The following EBF1 variants were observed in gnomAD, a reference collection of about 807,000 sequenced individuals.
EBF1 encodes the protein transcription factor COE1.
EBF1 carries 10 observed loss-of-function variants against 68.4 expected under a neutral mutation model. The observed-to-expected ratio is 0.15, with a 90% CI of 0.09 to 0.25. The LOEUF is 0.25. Among genes scored for constraint, EBF1 ranks in the 10% least tolerant of loss-of-function variants. The pLI is 1.00. For missense variants in EBF1, 509 were observed against 794.4 expected, an observed-to-expected ratio of 0.64 and a Z score of 4.32; for synonymous variants, 298 against 299.8, an observed-to-expected ratio of 0.99 and a Z score of 0.06.
At chr5:158,969,918 A>AAGAAG (rs1282568991) in intron 6 of EBF1, among the ~76,000 whole-genome samples, 1 of 53,150 alleles carries the variant, frequency 1.9e-5, no homozygotes, top group Non-Finnish European at 4.1e-5. Flanking sequence ...GAAAGAAAGA[A>AAGAAG]AAAAAAAAAA....
intron 7 of EBF1, among the ~76,000 whole-genome samples, chr5:158,827,999 T>C (rs557858342): frequency 3.9e-4 from 59 of 152,324 alleles, no homozygotes; most frequent in African/African-American, 1.3e-3. Flanking sequence ...TGCTGATACA[T>C]GGTAACTCAG....
chr5:158,876,420 T>G (rs1797822550), intron 6 of EBF1, among the ~76,000 whole-genome samples: 1 of 152,184 alleles, frequency 6.6e-6, no homozygotes, highest in Non-Finnish European at 1.5e-5. Context: ...TATTTGAGTC[T>G]TGGCTAGAAG....
intron 6 of EBF1, among the ~76,000 whole-genome samples, chr5:158,872,087 A>G (rs1432786281): frequency 1.3e-5 from 2 of 152,182 alleles, no homozygotes; most frequent in African/African-American, 4.8e-5. Flanking sequence ...AGACACTAAT[A>G]AGTAGTCAGG....
chr5:158,932,021 T>G (rs1028323828), intron 6 of EBF1, among the ~76,000 whole-genome samples: 5 of 152,310 alleles, frequency 3.3e-5, no homozygotes, highest in African/African-American at 1.2e-4. Flanking sequence ...ATGATAGCAC[T>G]CAGCACCAGT....
intron 6 of EBF1, among the ~76,000 whole-genome samples, chr5:158,885,073 C>T: frequency 6.6e-6 from 1 of 152,214 alleles, no homozygotes; most frequent in East Asian, 1.9e-4. Context: ...ACTCCTGCAA[C>T]TGCAGGGAGC....
intron 6 of EBF1, among the ~76,000 whole-genome samples, chr5:158,963,289 A>G (rs1234780410): frequency 6.6e-6 from 1 of 152,220 alleles, no homozygotes; most frequent in Non-Finnish European, 1.5e-5. Flanking sequence ...TTTACCACAA[A>G]AAAAACAAAC....
intron 6 of EBF1, among the ~76,000 whole-genome samples, chr5:159,061,318 G>A (rs17718288): frequency 6.6e-6 from 1 of 151,550 alleles, no homozygotes; most frequent in East Asian, 1.9e-4. Context: ...ACCGGTTTCT[G>A]TATCCCCAAG....
At chr5:158,751,919 T>C (rs1475838858) in intron 10 of EBF1, among the ~76,000 whole-genome samples, 1 of 152,050 alleles carries the variant, frequency 6.6e-6, no homozygotes, top group African/African-American at 2.4e-5. Flanking sequence ...CTCAGGATTG[T>C]AGTGGTTTTA....
At chr5:159,028,592 A>G (rs559663512) in intron 6 of EBF1, among the ~76,000 whole-genome samples, 1 of 152,308 alleles carries the variant, frequency 6.6e-6, no homozygotes, top group African/African-American at 2.4e-5. Context: ...AAATAAGAGT[A>G]AGATATTCAA....
At position 158,934,084 on chromosome 5, in the gene EBF1, GC is replaced by G. The variant is rs1360327011; in HGVS notation, c.555-93975del. Among the ~76,000 whole-genome samples the G allele has an allele frequency of 3.8e-4, 58 of 152,248 alleles. 1 individual carries two copies. The highest frequency in any genetic ancestry group is 1.3e-3 in the African/African-American group (54 of 41,536). Reference sequence around the variant, plus strand: ...TGGAGCCACAGGCAGATTTCACCATGCCCATTACACACAGGCAAATGAGAAT... The same window carrying G: ...TGGAGCCACAGGCAGATTTCACCATGCCATTACACACAGGCAAATGAGAAT... On this transcript the variant is annotated intron_variant, in intron 6 of 15. Coordinates refer to ENST00000313708, the MANE Select transcript of EBF1 (RefSeq NM_024007.5).
rs569536747 is a variant in EBF1, at chr5:158,702,508, C to T, written c.1745-3366G>A. 9.9e-4 allele frequency among the ~76,000 whole-genome samples: 151 copies of T among 152,114 alleles called. 1 individual carries two copies. The highest frequency in any genetic ancestry group is 3.4e-3 in the African/African-American group (141 of 41,490). ...TGAGAGGCAATGCATTTTTCATTACCGTTTCCATATTTTTGATAAAAACAA... is the reference window on the plus strand; with the variant it reads ...TGAGAGGCAATGCATTTTTCATTACTGTTTCCATATTTTTGATAAAAACAA... On this transcript the variant is annotated intron_variant, in intron 15 of 15. Coordinates refer to ENST00000313708, the MANE Select transcript of EBF1 (RefSeq NM_024007.5).
intron 6 of EBF1, among the ~76,000 whole-genome samples, chr5:158,945,896 C>A (rs924974808): frequency 6.6e-6 from 1 of 152,046 alleles, no homozygotes; most frequent in Admixed American, 6.6e-5. Context: ...ATTCTTTTTT[C>A]TCTAATCTTG....
chr5:159,047,004 C>T (rs1056802219), intron 6 of EBF1, among the ~76,000 whole-genome samples: 2 of 152,198 alleles, frequency 1.3e-5, no homozygotes, highest in African/African-American at 4.8e-5. Context: ...TGCTTTTCAT[C>T]CAATAACTCA....
At chr5:158,845,101 G>GTT (rs1582484386) in intron 6 of EBF1, among the ~76,000 whole-genome samples, 1 of 152,154 alleles carries the variant, frequency 6.6e-6, no homozygotes, top group African/African-American at 2.4e-5. Context: ...AGTGCCCGGC[G>GTT]TAAGACCTAG....
At chr5:158,820,444 C>T (rs943498246) in intron 8 of EBF1, among the ~76,000 whole-genome samples, 3 of 152,182 alleles carry the variant, frequency 2.0e-5, no homozygotes, top group Non-Finnish European at 2.9e-5. Context: ...CAATAGTCAT[C>T]CTTTGCTGAG....
intron 11 of EBF1, among the ~76,000 whole-genome samples, chr5:158,728,112 C>T (rs1266166839): frequency 6.6e-6 from 1 of 152,158 alleles, no homozygotes; most frequent in African/African-American, 2.4e-5. Flanking sequence ...ATAAATCTCC[C>T]AAGTCCACAG....
intron 6 of EBF1, among the ~76,000 whole-genome samples, chr5:158,866,878 T>C (rs1263605241): frequency 1.4e-4 from 7 of 50,808 alleles, no homozygotes; most frequent in Non-Finnish European, 2.3e-4. Flanking sequence ...TATATATATA[T>C]ATATATATAT....
In EBF1 at chr5:158,905,980, T is replaced by C. The variant is rs1043857108; in HGVS notation, c.555-65870A>G. Among the ~76,000 whole-genome samples the C allele has an allele frequency of 6.0e-4, 92 of 152,312 alleles. 1 individual carries two copies. Among genetic ancestry groups the C allele is most frequent in the African/African-American group, 2.1e-3 (88 of 41,558 alleles). On this transcript the variant is annotated intron_variant, in intron 6 of 15. Transcript: ENST00000313708. ...CACATGCCTTCGTTAACAGGAGTTATTTATAAATAGCTGCTCATTTATTTT... is the reference window on the plus strand; with the variant it reads ...CACATGCCTTCGTTAACAGGAGTTACTTATAAATAGCTGCTCATTTATTTT...
At chr5:158,867,709 A>G (rs763178176) in intron 6 of EBF1, among the ~76,000 whole-genome samples, 6 of 152,130 alleles carry the variant, frequency 3.9e-5, no homozygotes, top group Admixed American at 1.3e-4. Flanking sequence ...GTGTACCAAG[A>G]CTTCCATATG....
Sources: allele counts gnomAD v4.1 joint callset (sites outside exome capture counted in the v4.1 genomes callset), GRCh38; gene constraint gnomAD v4.1.1; transcripts MANE v1.5; gene names NCBI Gene and HGNC (gene_info 2026-07-23, HGNC 2026-07-21).